Variants in NAA25 observed in about 807,000 individuals in gnomAD.
NAA25 encodes N-alpha-acetyltransferase 25, NatB auxiliary subunit, also known as N-terminal acetyltransferase B complex subunit NAA25.
In NAA25, 30 loss-of-function variants were observed where a neutral mutation model predicts 132.5. The ratio of observed to expected loss-of-function variants is 0.23; its 90% CI spans 0.17 to 0.31. NAA25 has a LOEUF of 0.31. Among genes scored for constraint, NAA25 ranks in the 10% least tolerant of loss-of-function variants. The probability of loss-of-function intolerance (pLI) is 1.00; values close to 1 mark genes in which losing one functional copy is unlikely to be tolerated. For synonymous variants in NAA25, 359 were observed against 401.9 expected, an observed-to-expected ratio of 0.89 and a Z score of 1.28; for missense variants, 771 against 1,150.4, an observed-to-expected ratio of 0.67 and a Z score of 4.77.
At chr12:112,066,672 G>A (rs2078723189) in intron 11 of NAA25, among the ~76,000 whole-genome samples, 1 of 152,092 alleles carries the variant, frequency 6.6e-6, no homozygotes, top group Non-Finnish European at 1.5e-5. Context: ...AATTTATCCA[G>A]AAACTTCTAG....
chr12:112,090,538 C>A, intron 3 of NAA25, 188 bp downstream of exon 3: 1 of 476,962 alleles, frequency 2.1e-6, no homozygotes, highest in Non-Finnish European at 3.6e-6. Context: ...ATTCTCATTC[C>A]AATTCAAGGA....
intron 23 of NAA25, among the ~76,000 whole-genome samples, chr12:112,032,089 G>A (rs1028031719): frequency 4.0e-5 from 6 of 151,412 alleles, no homozygotes; most frequent in African/African-American, 7.3e-5. Flanking sequence ...TCAGCCTCCC[G>A]AGTAGCTGGG....
rs11066169 is a variant in NAA25 at position 112,108,179 on chromosome 12, C to T, written c.58+537G>A. ...GCTCTGGATTGGGAGCCTGGAATCT[C>T]GGGCCTGCTCCTGACTCGATCTGGG... On this transcript the variant is annotated intron_variant, in intron 1 of 23. Transcript: ENST00000261745. Among the ~76,000 whole-genome samples, 8,444 of 152,264 alleles carry T rather than the reference C, an allele frequency of 0.055. 1,301 individuals carry two copies. The East Asian group carries it at 0.61, about 11-fold the overall frequency.
At chr12:112,107,244 A>G (rs1250956033) in intron 1 of NAA25, among the ~76,000 whole-genome samples, 1 of 152,188 alleles carries the variant, frequency 6.6e-6, no homozygotes, top group African/African-American at 2.4e-5. Context: ...TGGACGACAG[A>G]GTGAGACTCA....
At chr12:112,053,453 G>T in intron 15 of NAA25, 105 bp downstream of exon 15, 1 of 823,846 alleles carries the variant, frequency 1.2e-6, no homozygotes. Flanking sequence ...TGCTAGTTCA[G>T]CATGGTGCAC....
intron 13 of NAA25, 124 bp from the exon 14 acceptor site, chr12:112,054,692 C>T (rs1450562289): frequency 2.2e-6 from 2 of 897,486 alleles, no homozygotes; most frequent in African/African-American, 1.7e-5. Flanking sequence ...TGACAGAGAA[C>T]AAATTTTAGA....
intron 2 of NAA25, 36 bp from the exon 3 acceptor site, chr12:112,090,900 G>GACAGA: frequency 6.4e-7 from 1 of 1,567,388 alleles, no homozygotes; most frequent in South Asian, 1.2e-5. Flanking sequence ...TTTTTAAAAA[G>GACAGA]ACAGAAAAGG....
At chr12:112,041,709 A>T (rs1198962789) in intron 20 of NAA25, among the ~76,000 whole-genome samples, 3 of 152,218 alleles carry the variant, frequency 2.0e-5, no homozygotes, top group Non-Finnish European at 4.4e-5. Context: ...CGATAACATA[A>T]AAAATGTTAA....
intron 1 of NAA25, among the ~76,000 whole-genome samples, chr12:112,094,698 C>A (rs913816097): frequency 6.6e-6 from 1 of 152,070 alleles, no homozygotes; most frequent in Non-Finnish European, 1.5e-5. Context: ...CTTGCTCAGT[C>A]GCCCAAGTTG....
At chr12:112,032,586 C>T (rs896539878) in intron 23 of NAA25, among the ~76,000 whole-genome samples, 9 of 152,146 alleles carry the variant, frequency 5.9e-5, no homozygotes, top group African/African-American at 2.2e-4. Context: ...TAGAAACAGA[C>T]GACTCCACCA....
At chr12:112,080,982 T>C in intron 5 of NAA25, 78 bp downstream of exon 5, 1 of 1,253,450 alleles carries the variant, frequency 8.0e-7, no homozygotes, top group Non-Finnish European at 1.2e-6. Flanking sequence ...AAAAAACCAG[T>C]TCAGAAGACA....
Position 112,108,684 on chromosome 12 carries a change from G to A in NAA25, c.58+32C>T, listed in dbSNP as rs941173258. 4.1e-6 allele frequency: 6 copies of A among 1,445,862 alleles called. No individual in the cohort carries two copies. In the African/African-American group the frequency reaches 7.3e-5, roughly 18 times the overall value. 89.6% of individuals were successfully genotyped at this position (1,445,862 alleles called of 1,614,324 possible). On this transcript the variant is annotated intron_variant, in intron 1 of 23. Coordinates refer to ENST00000261745, the MANE Select transcript of NAA25 (RefSeq NM_024953.4). The stretch of plus-strand genomic sequence containing the variant: ...AGCCTCGGCAGCCCTCGGCGCGTCG[G>A]GCTGGCGAGCGGGCTGGTCCAAGAC...
At chr12:112,091,270 G>C (rs933977002) in intron 2 of NAA25, among the ~76,000 whole-genome samples, 2 of 150,552 alleles carry the variant, frequency 1.3e-5, no homozygotes, top group Non-Finnish European at 3.0e-5. Flanking sequence ...GTGAACAATA[G>C]GACTGGCATG....
chr12:112,038,649 A>G (rs2078259706), intron 22 of NAA25, among the ~76,000 whole-genome samples: 1 of 152,202 alleles, frequency 6.6e-6, no homozygotes, highest in South Asian at 2.1e-4. Flanking sequence ...TCCCTGGGCC[A>G]CACTGGAAGA....
At chr12:112,069,681 G>A (rs552307152) in intron 10 of NAA25, among the ~76,000 whole-genome samples, 5 of 151,730 alleles carry the variant, frequency 3.3e-5, no homozygotes, top group Admixed American at 1.3e-4. Context: ...TTAGCTGGAC[G>A]GGGTGGTGTG....
At chr12:112,095,704 A>G (rs566149187) in intron 1 of NAA25, among the ~76,000 whole-genome samples, 1 of 152,136 alleles carries the variant, frequency 6.6e-6, no homozygotes, top group South Asian at 2.1e-4. Flanking sequence ...CCTTATATTC[A>G]TATTGCTAAG....
chr12:112,070,237 G>C (rs780194711), intron 10 of NAA25, among the ~76,000 whole-genome samples: 5 of 152,118 alleles, frequency 3.3e-5, no homozygotes, highest in Non-Finnish European at 7.4e-5. Context: ...TTGTGAACTA[G>C]TACAATGACG....
At chr12:112,057,528 A>T (rs894075467) in intron 13 of NAA25, among the ~76,000 whole-genome samples, 1 of 152,142 alleles carries the variant, frequency 6.6e-6, no homozygotes, top group African/African-American at 2.4e-5. Flanking sequence ...GATGACAAGG[A>T]TTTCACTCTC....
At chr12:112,045,544 C>T (rs142733321) in intron 17 of NAA25, among the ~76,000 whole-genome samples, 10 of 149,866 alleles carry the variant, frequency 6.7e-5, no homozygotes, top group Non-Finnish European at 7.4e-5. Flanking sequence ...CCTATAATCA[C>T]AGCACTTTGA....
Sources: gnomAD v4.1 joint callset for allele counts (sites outside exome capture counted in the v4.1 genomes callset) on GRCh38, gnomAD v4.1.1 for gene constraint, MANE v1.5 for transcripts, NCBI Gene and HGNC (gene_info 2026-07-23, HGNC 2026-07-21) for gene names.